Variants in DNAH12 observed in about 807,000 individuals in gnomAD.
The protein encoded by DNAH12 is dynein axonemal heavy chain 12.
Under a neutral mutation model 371.5 loss-of-function variants are expected in DNAH12, and 285 were observed. The observed-to-expected ratio is 0.77, with a 90% CI of 0.70 to 0.85. DNAH12 has a LOEUF of 0.85. Among genes scored for constraint, DNAH12 ranks in the 40% least tolerant of loss-of-function variants. DNAH12 has a pLI of 0.00. For missense variants in DNAH12, 3,611 were observed against 3,689.4 expected (o/e 0.98, Z 0.55); for synonymous variants, 1,200 against 1,213.0 (o/e 0.99, Z 0.22).
At chr3:57,390,424 A>AAAAAAAAAAAAAAAAAATATAT in intron 45 of DNAH12, among the ~76,000 whole-genome samples, 1 of 33,422 alleles carries the variant, frequency 3.0e-5, no homozygotes, top group African/African-American at 6.3e-5. Context: ...AAAAAAAAAA[A>AAAAAAAAAAAAAAAAAATATAT]ATATATATAT....
At position 57,296,950 on chromosome 3, in the gene DNAH12, C is replaced by G. The variant is rs2061245804; in HGVS notation, c.11429G>C (p.Trp3810Ser). Residue 3810 changes from tryptophan to serine, a missense_variant, in exon 71 of 74, where the codon TGG becomes TCG. Physicochemically the swap from Trp to Ser is radical, Grantham distance 177. This residue lies in a region of DNAH12 where 2,266 missense variants were observed against 2,236.9 expected (regional missense o/e 1.01). Coordinates refer to ENST00000495027, the MANE Select transcript of DNAH12 (RefSeq NM_001366028.2). ...CTGAGTGAAAAAGAAACCTGACAGC[C>G]AAAACACACAAGGTTTTCCTGAATT... The part of the protein sequence containing the change: ...WYNSGKPCVF[W>S]LSGFFFTQAF... 2.6e-6 allele frequency: 4 copies of G among 1,551,478 alleles called. No homozygotes were observed. In the African/African-American group the frequency reaches 5.5e-5, roughly 21 times the overall value.
In DNAH12 at chr3:57,386,136, C is replaced by T. The variant is rs908394127; in HGVS notation, c.7602+305G>A. ...TTTAACCAGCTTTTACAATAAAAAG[C>T]GACCTAAACTTATATTCTCTTAAAT... is the stretch of plus-strand genomic sequence containing the variant. On this transcript the variant is annotated intron_variant, in intron 47 of 73. Transcript: ENST00000495027. Among the ~76,000 whole-genome samples the T allele has an allele frequency of 1.5e-3, 233 of 151,760 alleles. 1 individual carries two copies. Among genetic ancestry groups the T allele is most frequent in the Non-Finnish European group, 2.6e-3 (174 of 67,930 alleles).
At chr3:57,457,682 G>A in intron 22 of DNAH12, 39 bp downstream of exon 22, 1 of 1,488,936 alleles carries the variant, frequency 6.7e-7, no homozygotes, top group Non-Finnish European at 9.0e-7. Context: ...CAAAGCATTT[G>A]CAGAATATAG....
At position 57,322,441 on chromosome 3, in the gene DNAH12, C is replaced by G. The variant is rs755008006; in HGVS notation, c.10426G>C (p.Glu3476Gln). ...ILQNGVKMTN[E>Q]PPTGLRLNLL... Reference sequence around the variant, plus strand: ...TTCAGCCGAAGACCCGTGGGAGGTTCATTAGTCATTTTTACTCCATTCTGT... The same window carrying G: ...TTCAGCCGAAGACCCGTGGGAGGTTGATTAGTCATTTTTACTCCATTCTGT... Residue 3476 changes from glutamate (E) to glutamine (Q), a missense_variant, in exon 65 of 74, where the codon GAA (glutamate) becomes CAA (glutamine). Glu to Gln is a conservative substitution (Grantham distance 29). This residue lies in a region of DNAH12 where 2,266 missense variants were observed against 2,236.9 expected (regional missense o/e 1.01). Coordinates refer to ENST00000495027, the MANE Select transcript of DNAH12 (RefSeq NM_001366028.2). The G allele has an allele frequency of 2.0e-5, 31 of 1,552,010 alleles. No homozygotes were observed. Among genetic ancestry groups the G allele is most frequent in the Non-Finnish European group, 1.6e-5 (18 of 1,147,088 alleles).
Position 57,323,248 on chromosome 3 carries a change from A to T in DNAH12, c.10142T>A (p.Phe3381Tyr). ...TCCAGACATAGATTTATCATTTGCA[A>T]ATTTCAGCAGGCCTATAAGAGGCAC... ...GADPMASLLK[F>Y]ANDKSMSGNK... The change falls in exon 64 of 74, where the codon TTT (phenylalanine) becomes TAT (tyrosine). Residue 3381 changes from phenylalanine (F) to tyrosine (Y), a missense_variant. Phe to Tyr is a conservative substitution (Grantham distance 22). Around this residue, in one of 3 missense-constraint regions of DNAH12, gnomAD observed 2,266 missense variants for 2,236.9 expected, o/e 1.01. Coordinates refer to ENST00000495027, the MANE Select transcript of DNAH12 (RefSeq NM_001366028.2). The T allele has an allele frequency of 6.4e-7, 1 of 1,551,332 alleles. No homozygotes were observed. Among genetic ancestry groups the T allele is most frequent in the Non-Finnish European group, 8.7e-7 (1 of 1,147,008 alleles).
chr3:57,448,146 C>T (rs974520131), intron 25 of DNAH12, among the ~76,000 whole-genome samples: 6 of 152,184 alleles, frequency 3.9e-5, no homozygotes, highest in African/African-American at 1.4e-4. Flanking sequence ...CTTGGTCTCA[C>T]TGACTTCAAG....
intron 44 of DNAH12, among the ~76,000 whole-genome samples, chr3:57,393,625 CAAAAAAAAAAAA>C (rs1180952196): frequency 3.1e-5 from 2 of 64,294 alleles, no homozygotes; most frequent in Non-Finnish European, 5.0e-5. Flanking sequence ...GACTCTGTCT[CAAAAAAAAAAAA>C]AAAAAAAAAA....
chr3:57,479,868 C>G (rs1056597468), intron 13 of DNAH12, among the ~76,000 whole-genome samples: 1 of 152,088 alleles, frequency 6.6e-6, no homozygotes, highest in Admixed American at 6.6e-5. Context: ...TTCTTTGAAA[C>G]CAACGAGAAC....
chr3:57,347,386 A>T (rs2062566623), intron 60 of DNAH12, among the ~76,000 whole-genome samples: 1 of 152,158 alleles, frequency 6.6e-6, no homozygotes, highest in African/African-American at 2.4e-5. Context: ...GAGAGTAAAG[A>T]AGTAAAACCA....
intron 4 of DNAH12, among the ~76,000 whole-genome samples, chr3:57,516,510 C>CA (rs1480486877): frequency 6.6e-6 from 1 of 152,126 alleles, no homozygotes; most frequent in Non-Finnish European, 1.5e-5. Flanking sequence ...TAAGTGTCGC[C>CA]AATTACCCTG....
chr3:57,462,548 A>T, intron 18 of DNAH12, 142 bp downstream of exon 18: 1 of 957,640 alleles, frequency 1.0e-6, no homozygotes, highest in Non-Finnish European at 1.5e-6. Flanking sequence ...TACCGCACCC[A>T]GCCGGAGAGT....
intron 69 of DNAH12, among the ~76,000 whole-genome samples, chr3:57,305,220 G>A (rs745853908): frequency 2.2e-4 from 34 of 151,986 alleles, no homozygotes; most frequent in Middle Eastern, 3.4e-3. Flanking sequence ...CTCTGTTCCC[G>A]ATGCGACTCA....
chr3:57,533,023 C>G (rs1277483329), intron 2 of DNAH12, among the ~76,000 whole-genome samples: 3 of 152,184 alleles, frequency 2.0e-5, no homozygotes, highest in African/African-American at 7.2e-5. Context: ...TATTATACTG[C>G]TGCTGGGCTA....
At chr3:57,501,550 A>C (rs1490976950) in intron 10 of DNAH12, 138 bp from the exon 11 acceptor site, 2 of 586,212 alleles carry the variant, frequency 3.4e-6, no homozygotes, top group African/African-American at 4.0e-5. Flanking sequence ...ATGATTTACT[A>C]TATTTTAAGA....
At chr3:57,334,297 A>C (rs566773945) in intron 62 of DNAH12, among the ~76,000 whole-genome samples, 168 bp downstream of exon 62, 54 of 152,350 alleles carry the variant, frequency 3.5e-4, no homozygotes, top group African/African-American at 1.3e-3. Flanking sequence ...AAATATTCCT[A>C]AATTGAGGAA....
At chr3:57,338,410 G>T (rs1265567397) in intron 60 of DNAH12, among the ~76,000 whole-genome samples, 1 of 151,544 alleles carries the variant, frequency 6.6e-6, no homozygotes, top group Non-Finnish European at 1.5e-5. Flanking sequence ...ACACTGTCTA[G>T]GAAGTGAGGA....
intron 19 of DNAH12, among the ~76,000 whole-genome samples, chr3:57,461,287 T>C (rs541002839): frequency 8.5e-4 from 129 of 152,294 alleles, no homozygotes; most frequent in African/African-American, 2.9e-3. Flanking sequence ...AAATCATTTA[T>C]GTCTCAGATG....
intron 59 of DNAH12, among the ~76,000 whole-genome samples, chr3:57,355,239 G>A (rs1413261731): frequency 6.6e-6 from 1 of 152,122 alleles, no homozygotes; most frequent in African/African-American, 2.4e-5. Context: ...CCATGGGAAT[G>A]GGATGGAAGG....
chr3:57,436,475 T>C (rs2065129007), intron 30 of DNAH12, among the ~76,000 whole-genome samples: 1 of 152,222 alleles, frequency 6.6e-6, no homozygotes, highest in African/African-American at 2.4e-5. Flanking sequence ...AGTTTCTGAA[T>C]GGGAGTGTTT....
Sources: allele counts gnomAD v4.1 joint callset (sites outside exome capture counted in the v4.1 genomes callset), GRCh38; gene constraint gnomAD v4.1.1; regional missense constraint gnomAD v4.1.1; transcripts MANE v1.5; gene names NCBI Gene and HGNC (gene_info 2026-07-23, HGNC 2026-07-21).